PPEF1: variants seen among roughly 807,000 people sequenced by gnomAD.
PPEF1 encodes serine/threonine-protein phosphatase with EF-hands 1.
In PPEF1, 12 loss-of-function variants were observed where a neutral mutation model predicts 53.3. That is an observed-to-expected ratio of 0.23 (90% CI 0.14 to 0.36). The LOEUF (loss-of-function observed/expected upper bound fraction) is 0.36. Among genes scored for constraint, PPEF1 ranks in the 10% least tolerant of loss-of-function variants. The probability of loss-of-function intolerance (pLI) is 1.00; values close to 1 mark genes in which losing one functional copy is unlikely to be tolerated. For missense variants in PPEF1, 334 were observed against 490.4 expected (o/e 0.68, Z 3.01); for synonymous variants, 165 against 176.7 (o/e 0.93, Z 0.52).
chrX:18,806,561 C>T lies in PPEF1; in HGVS notation c.1394+16C>T, dbSNP rs754607102. 4 of 1,183,820 alleles carry T rather than the reference C, an allele frequency of 3.4e-6. No homozygotes were observed. The highest frequency in any genetic ancestry group is 3.9e-5 in the South Asian group (2 of 51,541). On this transcript the variant is annotated intron_variant, in intron 12 of 15. Transcript: ENST00000470157. ...TTCGCCAAAGGTGTGTATACTATAC[C>T]GAGAGTGCTGAGCACTGGTATCACG... is the stretch of plus-strand genomic sequence containing the variant.
intron 2 of PPEF1, among the ~76,000 whole-genome samples, chrX:18,730,920 G>A (rs1173662128): frequency 1.8e-5 from 2 of 111,236 alleles, no homozygotes; most frequent in Non-Finnish European, 3.8e-5. Context: ...TCACCATGTT[G>A]GCCAGGCTGG....
chrX:18,704,280 G>A (rs1055668101), upstream of PPEF1, among the ~76,000 whole-genome samples: 11 of 111,623 alleles, frequency 9.9e-5, no homozygotes, highest in Admixed American at 3.8e-4. Context: ...AGGATGGAGC[G>A]AAGCCCAAGC....
intron 3 of PPEF1, 133 bp downstream of exon 3, chrX:18,733,941 C>T (rs1602392768): frequency 2.1e-6 from 1 of 477,443 alleles, no homozygotes; most frequent in Non-Finnish European, 3.3e-6. Flanking sequence ...TATGTGACAC[C>T]CAACAACTGG....
chrX:18,821,806 AAC>A (rs2047064702), intron 13 of PPEF1, among the ~76,000 whole-genome samples: 1 of 76,704 alleles, frequency 1.3e-5, no homozygotes, highest in Non-Finnish European at 2.7e-5. Flanking sequence ...AGAGAGAGAA[AAC>A]AAATAACCAG....
At position 18,759,038 on chromosome X, in the gene PPEF1, A is replaced by C. The variant is rs184609801; in HGVS notation, c.511+1297A>C. Among the ~76,000 whole-genome samples the C allele has an allele frequency of 3.6e-5, 4 of 111,136 alleles. No homozygotes were observed. The East Asian group carries it at 1.1e-3, about 32-fold the overall frequency. On this transcript the variant is annotated intron_variant, in intron 5 of 15. Coordinates refer to ENST00000470157, the MANE Select transcript of PPEF1 (RefSeq NM_001377996.1). ...TCAGGTCTTCTGTATCCCAGGTTAGAGGCAGCCCCACATCTGCCATCCTGA... is the reference window on the plus strand; with the variant it reads ...TCAGGTCTTCTGTATCCCAGGTTAGCGGCAGCCCCACATCTGCCATCCTGA...
chrX:18,743,119 A>C (rs959807049), intron 3 of PPEF1, among the ~76,000 whole-genome samples: 3 of 112,332 alleles, frequency 2.7e-5, no homozygotes, highest in Non-Finnish European at 5.6e-5. Context: ...TACAGTATAA[A>C]GGGATGTGGA....
chrX:18,777,891 C>T (rs1006810888), intron 6 of PPEF1, among the ~76,000 whole-genome samples: 19 of 110,353 alleles, frequency 1.7e-4, no homozygotes, highest in Non-Finnish European at 3.2e-4. Context: ...ATTATAGGCG[C>T]ACACCACCAC....
intron 12 of PPEF1, among the ~76,000 whole-genome samples, chrX:18,810,751 A>C (rs983886463): frequency 8.0e-5 from 9 of 112,344 alleles, no homozygotes; most frequent in Non-Finnish European, 1.1e-4. Context: ...GTATGGATAG[A>C]CCACATTTTG....
At chrX:18,811,608 TATATATA>T (rs1395715640) in intron 12 of PPEF1, among the ~76,000 whole-genome samples, 108 of 17,052 alleles carry the variant, frequency 6.3e-3, no homozygotes, top group African/African-American at 0.027. Context: ...TATATATATA[TATATATA>T]TTTTTTTTTT....
chrX:18,811,613 A>ATT (rs1569271276), intron 12 of PPEF1, among the ~76,000 whole-genome samples: 2 of 12,263 alleles, frequency 1.6e-4, no homozygotes, highest in Non-Finnish European at 3.9e-4. Context: ...ATATATATAT[A>ATT]TATTTTTTTT....
intron 6 of PPEF1, among the ~76,000 whole-genome samples, chrX:18,764,218 G>A (rs1383681656): frequency 9.0e-6 from 1 of 111,527 alleles, no homozygotes; most frequent in Non-Finnish European, 1.9e-5. Context: ...GAGTATTGGC[G>A]ATGAGGTGGG....
At chrX:18,705,758 G>A (rs1012910972), upstream of PPEF1, among the ~76,000 whole-genome samples, 1 of 111,202 alleles carries the variant, frequency 9.0e-6, no homozygotes, top group African/African-American at 3.3e-5. Context: ...GTTTAGGAAG[G>A]CTAATTCATT....
chrX:18,741,310 A>G (rs2147420475), intron 3 of PPEF1, among the ~76,000 whole-genome samples: 1 of 112,309 alleles, frequency 8.9e-6, no homozygotes, highest in East Asian at 2.8e-4. Context: ...GGCTCACTTC[A>G]TCAGAATCAC....
At chrX:18,734,122 A>G (rs1338141686) in intron 3 of PPEF1, among the ~76,000 whole-genome samples, 1 of 80,105 alleles carries the variant, frequency 1.2e-5, no homozygotes, top group Non-Finnish European at 2.5e-5. Context: ...AGTAAAGGGA[A>G]CCTTATTTAT....
At chrX:18,702,833 G>A (rs1228684114), upstream of PPEF1, among the ~76,000 whole-genome samples, 2 of 110,657 alleles carry the variant, frequency 1.8e-5, no homozygotes, top group Non-Finnish European at 3.8e-5. Context: ...ATATTAGAAG[G>A]GACAGCAGCA....
At chrX:18,792,875 A>G (rs1419845224) in intron 10 of PPEF1, among the ~76,000 whole-genome samples, 5 of 111,492 alleles carry the variant, frequency 4.5e-5, no homozygotes, top group African/African-American at 1.3e-4. Flanking sequence ...CCCCCAGAGG[A>G]TTCCATTGGT....
rs184970413 is a variant in PPEF1, at chrX:18,827,666, G to A, written c.*179G>A. On this transcript the variant is annotated 3_prime_UTR_variant, in exon 16 of 16. Coordinates refer to ENST00000470157, the MANE Select transcript of PPEF1 (RefSeq NM_001377996.1). ...GTCCCTAGCAAGCTGTTATTGGTAA[G>A]ATTAGGTTAAATGTCAGTAATAGGA... 3.0e-5 allele frequency: 13 copies of A among 432,960 alleles called. No homozygotes were observed. The East Asian group carries it at 3.8e-4, about 13-fold the overall frequency. The allele number at this position is 432,960 out of a possible 1,213,427, so 35.7% of individuals were successfully genotyped here.
intron 15 of PPEF1, among the ~76,000 whole-genome samples, chrX:18,826,970 C>T: frequency 9.0e-6 from 1 of 111,421 alleles, no homozygotes; most frequent in East Asian, 2.8e-4. Flanking sequence ...CCATGCACCT[C>T]ACCTTTCTAT....
intron 3 of PPEF1, among the ~76,000 whole-genome samples, chrX:18,736,161 C>T (rs1459551361): frequency 9.0e-6 from 1 of 111,596 alleles, no homozygotes; most frequent in East Asian, 2.8e-4. Context: ...ACTTCCAACA[C>T]TATGTTGAAT....
Sources: gnomAD v4.1 joint callset for allele counts (sites outside exome capture counted in the v4.1 genomes callset) on GRCh38, gnomAD v4.1.1 for gene constraint, MANE v1.5 for transcripts, NCBI Gene and HGNC (gene_info 2026-07-23, HGNC 2026-07-21) for gene names.